RPS6KC1: variants seen among roughly 807,000 people sequenced by gnomAD.
RPS6KC1 encodes inactive ribosomal protein S6 kinase delta-1.
Under a neutral mutation model 103.8 loss-of-function variants are expected in RPS6KC1, and 54 were observed. That is an observed-to-expected ratio of 0.52 (90% CI 0.42 to 0.65). The LOEUF (loss-of-function observed/expected upper bound fraction) is 0.65, where lower values mean the gene tolerates loss of function less well. Among genes scored for constraint, RPS6KC1 ranks in the 30% least tolerant of loss-of-function variants. RPS6KC1 has a pLI of 0.00. For missense variants in RPS6KC1, 1,151 were observed against 1,253.8 expected (o/e 0.92, Z 1.24); for synonymous variants, 439 against 438.7 (o/e 1.00, Z -0.01).
intron 8 of RPS6KC1, among the ~76,000 whole-genome samples, chr1:213,182,693 T>A (rs1217707646): frequency 6.6e-6 from 1 of 150,870 alleles, no homozygotes; most frequent in Non-Finnish European, 1.5e-5. Flanking sequence ...CCCAACTTTA[T>A]GGTGTTTATA....
At chr1:213,754,156 AT>A in the RPS6KC1 span, among the ~76,000 whole-genome samples, 1 of 152,170 alleles carries the variant, frequency 6.6e-6, no homozygotes, top group African/African-American at 2.4e-5. Context: ...TAAACAATAC[AT>A]TTGCTCATAG....
chr1:213,631,378 CAA>C, the RPS6KC1 span, among the ~76,000 whole-genome samples: 4 of 137,032 alleles, frequency 2.9e-5, no homozygotes, highest in Non-Finnish European at 4.7e-5. Context: ...CTTTCTATGC[CAA>C]AAAAAAAAAA....
At chr1:213,504,099 T>C in the RPS6KC1 span, among the ~76,000 whole-genome samples, 1 of 152,114 alleles carries the variant, frequency 6.6e-6, no homozygotes, top group African/African-American at 2.4e-5. Context: ...GGTTTTCACA[T>C]AATATTATGT....
chr1:213,806,053 C>T, the RPS6KC1 span, among the ~76,000 whole-genome samples: 1 of 152,206 alleles, frequency 6.6e-6, no homozygotes, highest in East Asian at 1.9e-4. Flanking sequence ...AGTCAACCGG[C>T]CAGGCATGGC....
chr1:213,060,555 T>A (rs1482735576), intron 1 of RPS6KC1, among the ~76,000 whole-genome samples: 1 of 152,244 alleles, frequency 6.6e-6, no homozygotes, highest in Non-Finnish European at 1.5e-5. Flanking sequence ...CTTTCTAATA[T>A]ACCAAAAATT....
chr1:213,546,397 G>A, the RPS6KC1 span: 1 of 152,180 alleles, frequency 6.6e-6, no homozygotes, highest in Non-Finnish European at 1.5e-5. Flanking sequence ...TTCCATGTGG[G>A]CATTCCATGT....
At chr1:213,824,835 G>A in the RPS6KC1 span, among the ~76,000 whole-genome samples, 1 of 152,194 alleles carries the variant, frequency 6.6e-6, no homozygotes, top group South Asian at 2.1e-4. Flanking sequence ...ACCCAGTGTT[G>A]GGTATGTTTT....
Position 213,129,619 on chromosome 1 carries a change from C to G in RPS6KC1, c.565C>G (p.Pro189Ala). The G allele has an allele frequency of 6.2e-7, 1 of 1,614,006 alleles. No homozygotes were observed. The highest frequency in any genetic ancestry group is 8.5e-7 in the Non-Finnish European group (1 of 1,179,948). ...DDGMASNQNS[P>A]IRTFGLNLSS... ...TGGAATGGCTTCCAATCAAAATTCT[C>G]CCATTAGAACTTTTGGTCTCAATCT... Residue 189 changes from proline to alanine, a missense_variant, in exon 6 of 15, where the codon CCC becomes GCC. Around this residue, in one of 3 missense-constraint regions of RPS6KC1, gnomAD observed 959 missense variants for 1,006.3 expected, o/e 0.95. Coordinates refer to ENST00000366960, the MANE Select transcript of RPS6KC1 (RefSeq NM_012424.6).
the RPS6KC1 span, among the ~76,000 whole-genome samples, chr1:213,618,141 C>T: frequency 6.6e-6 from 1 of 152,086 alleles, no homozygotes; most frequent in East Asian, 1.9e-4. Flanking sequence ...GGTTATTTTC[C>T]CTTCCAAAAG....
At chr1:213,714,811 G>C in the RPS6KC1 span, among the ~76,000 whole-genome samples, 1 of 152,184 alleles carries the variant, frequency 6.6e-6, no homozygotes, top group Admixed American at 6.5e-5. Context: ...CGTTGCTGCC[G>C]CTGGTGGGGG....
Position 213,209,836 on chromosome 1 carries a change from G to A in RPS6KC1, c.1045-20661G>A, listed in dbSNP as rs142402681. Among the ~76,000 whole-genome samples the A allele has an allele frequency of 2.6e-4, 39 of 151,922 alleles. No individual in the cohort carries two copies. The East Asian group carries it at 6.4e-3, about 25-fold the overall frequency. On this transcript the variant is annotated intron_variant, in intron 8 of 14. Coordinates refer to ENST00000366960, the MANE Select transcript of RPS6KC1 (RefSeq NM_012424.6). ...TGAACAAGGGGTAGGCTATTCGTGA[G>A]TTTTTTGGGAAAGGGGTGTGAATTT...
the RPS6KC1 span, among the ~76,000 whole-genome samples, chr1:213,289,469 A>G: frequency 8.5e-5 from 13 of 152,310 alleles, no homozygotes; most frequent in Admixed American, 2.0e-4. Context: ...AAACGGATTT[A>G]TGAAGCCCAT....
the RPS6KC1 span, among the ~76,000 whole-genome samples, chr1:213,775,813 T>G: frequency 6.6e-6 from 1 of 152,326 alleles, no homozygotes. Flanking sequence ...ACAGTAAAAC[T>G]TCTTTAAAAA....
chr1:213,309,245 A>C, the RPS6KC1 span, among the ~76,000 whole-genome samples: 1 of 152,198 alleles, frequency 6.6e-6, no homozygotes, highest in Admixed American at 6.5e-5. Flanking sequence ...CAGTGAGCTG[A>C]GATTGCTCCA....
At chr1:213,112,502 T>C (rs1320551164) in intron 4 of RPS6KC1, among the ~76,000 whole-genome samples, 1 of 150,500 alleles carries the variant, frequency 6.6e-6, no homozygotes, top group African/African-American at 2.5e-5. Context: ...GTACCTTAAT[T>C]TTTTTTGTTT....
At chr1:213,303,632 C>G in the RPS6KC1 span, among the ~76,000 whole-genome samples, 1 of 152,062 alleles carries the variant, frequency 6.6e-6, no homozygotes, top group African/African-American at 2.4e-5. Flanking sequence ...TTACCCAAAC[C>G]CCAGAGAGTC....
Position 213,241,661 on chromosome 1 carries a change from C to T in RPS6KC1, c.2185C>T (p.Pro729Ser). 3.7e-6 allele frequency: 6 copies of T among 1,613,732 alleles called. No homozygotes were observed. Among genetic ancestry groups the T allele is most frequent in the Middle Eastern group, 1.7e-4 (1 of 6,060 alleles). The change falls in exon 11 of 15, where the codon CCT (proline) becomes TCT (serine). Residue 729 changes from proline to serine, a missense_variant. Physicochemically the swap from Pro to Ser is moderately conservative, Grantham distance 74. Around this residue, in one of 3 missense-constraint regions of RPS6KC1, gnomAD observed 959 missense variants for 1,006.3 expected, o/e 0.95. Transcript: ENST00000366960. ...GIIENKLLEA[P>S]DVLCLRLSTE... ...AATAGAAAATAAACTCTTGGAAGCCCCTGATGTTTTATGCCTCAGGCTTAG... is the reference window on the plus strand; with the variant it reads ...AATAGAAAATAAACTCTTGGAAGCCTCTGATGTTTTATGCCTCAGGCTTAG...
chr1:213,334,052 C>T, the RPS6KC1 span, among the ~76,000 whole-genome samples: 7 of 152,162 alleles, frequency 4.6e-5, no homozygotes, highest in African/African-American at 1.7e-4. Flanking sequence ...TTGGTACTAC[C>T]TGGGCTCCAA....
chr1:213,415,982 G>A, the RPS6KC1 span, among the ~76,000 whole-genome samples: 1 of 152,228 alleles, frequency 6.6e-6, no homozygotes, highest in Non-Finnish European at 1.5e-5. Flanking sequence ...AATTGACGGA[G>A]AAGCTCTGGA....
Sources: allele counts gnomAD v4.1 joint callset (sites outside exome capture counted in the v4.1 genomes callset), GRCh38; gene constraint gnomAD v4.1.1; regional missense constraint gnomAD v4.1.1; transcripts MANE v1.5; gene names NCBI Gene and HGNC (gene_info 2026-07-23, HGNC 2026-07-21).